Variants in ZSWIM5 observed in about 807,000 individuals in gnomAD.
ZSWIM5 encodes the protein zinc finger SWIM-type containing 5.
In ZSWIM5, 55 loss-of-function variants were observed where a neutral mutation model predicts 119.6. The observed-to-expected ratio is 0.46, with a 90% CI of 0.37 to 0.58. The LOEUF is 0.58. ZSWIM5 is among the 20% of genes least tolerant of loss of function. The pLI, the probability that ZSWIM5 is intolerant of heterozygous loss-of-function variation, is 0.00. For missense variants in ZSWIM5, 1,193 were observed against 1,512.8 expected (o/e 0.79, Z 3.51); for synonymous variants, 537 against 606.9 (o/e 0.88, Z 1.69).
At chr1:45,046,765 C>G (rs2148995739) in intron 5 of ZSWIM5, among the ~76,000 whole-genome samples, 1 of 151,826 alleles carries the variant, frequency 6.6e-6, no homozygotes, top group South Asian at 2.1e-4. Context: ...GTGGCTCATT[C>G]CTGTAATCCC....
In ZSWIM5 at chr1:45,019,357, C is replaced by CCTGATT; in HGVS notation, c.2696-47_2696-42dup. 6.3e-7 allele frequency: 1 copy of CCTGATT among 1,580,318 alleles called. No individual in the cohort carries two copies. The highest frequency in any genetic ancestry group is 8.6e-7 in the Non-Finnish European group (1 of 1,167,120). On this transcript the variant is annotated intron_variant, in intron 13 of 13. Transcript: ENST00000359600. The surrounding 1 kb of genome is among the most constrained non-coding windows in gnomAD (Gnocchi z 5.0). ...TGAGCTCAGCCGTGGCCATCTGGGT[C>CCTGATT]CTGATTCAGGTCTACCCAGATTACC...
chr1:45,035,695 C>T lies in ZSWIM5; in HGVS notation c.2284G>A (p.Ala762Thr). Residue 762 changes from alanine (A) to threonine (T), a missense_variant, in exon 10 of 14, where the codon GCC becomes ACC. Around this residue, in one of 2 missense-constraint regions of ZSWIM5, gnomAD observed 961 missense variants for 1,290.0 expected, o/e 0.74. Transcript: ENST00000359600. ...PDLSYKLALRAMRLPVLENSA... is the reference protein window; with the variant it reads ...PDLSYKLALRTMRLPVLENSA... ...TGGGAAAGGGCTACCCACCTCATGG[C>T]ACGTAAGGCTAATTTATAGGACAGG... is the stretch of plus-strand genomic sequence containing the variant. 1 of 1,613,268 alleles carries T rather than the reference C, an allele frequency of 6.2e-7. No individual in the cohort carries two copies. The highest frequency in any genetic ancestry group is 8.5e-7 in the Non-Finnish European group (1 of 1,179,920).
chr1:45,092,629 G>T (rs1401090933), intron 1 of ZSWIM5, among the ~76,000 whole-genome samples: 1 of 131,784 alleles, frequency 7.6e-6, no homozygotes, highest in Non-Finnish European at 1.5e-5. Flanking sequence ...GTGTTAATTT[G>T]ACTAGGCTAT....
chr1:45,198,576 C>A (rs1376762103), intron 1 of ZSWIM5, among the ~76,000 whole-genome samples: 4 of 152,060 alleles, frequency 2.6e-5, no homozygotes, highest in Admixed American at 2.6e-4. Context: ...TTCTCCACCA[C>A]AACAATGTTC....
chr1:45,184,973 G>A (rs1162915802), intron 1 of ZSWIM5, among the ~76,000 whole-genome samples: 5 of 152,134 alleles, frequency 3.3e-5, no homozygotes, highest in African/African-American at 1.2e-4. Context: ...CAAAGCTGGA[G>A]GCATCATGCT....
chr1:45,085,934 A>T (rs1645326710), intron 2 of ZSWIM5, among the ~76,000 whole-genome samples: 1 of 152,206 alleles, frequency 6.6e-6, no homozygotes, highest in Admixed American at 6.5e-5. Flanking sequence ...TCTTTATGGC[A>T]ATGCCTGACT....
At chr1:45,160,182 T>A (rs1214327967) in intron 1 of ZSWIM5, among the ~76,000 whole-genome samples, 1 of 152,174 alleles carries the variant, frequency 6.6e-6, no homozygotes, top group African/African-American at 2.4e-5. Flanking sequence ...ATCCAAAATA[T>A]TTTACATATT....
intron 1 of ZSWIM5, among the ~76,000 whole-genome samples, chr1:45,183,761 C>T (rs1015610387): frequency 7.2e-5 from 11 of 152,162 alleles, no homozygotes; most frequent in African/African-American, 2.7e-4. Flanking sequence ...TAATCAATAG[C>T]TTACCAACCA....
chr1:45,104,694 A>G (rs974717114), intron 1 of ZSWIM5, among the ~76,000 whole-genome samples: 1 of 152,156 alleles, frequency 6.6e-6, no homozygotes, highest in Non-Finnish European at 1.5e-5. Context: ...TATAGAGGTC[A>G]CCCTAAGCTT....
intron 1 of ZSWIM5, among the ~76,000 whole-genome samples, chr1:45,136,928 A>T (rs1645693882): frequency 6.6e-6 from 1 of 152,054 alleles, no homozygotes; most frequent in African/African-American, 2.4e-5. Flanking sequence ...TGAAAGCCCT[A>T]TTCAGTTTCT....
At chr1:45,126,176 G>C (rs1645620591) in intron 1 of ZSWIM5, among the ~76,000 whole-genome samples, 1 of 147,938 alleles carries the variant, frequency 6.8e-6, no homozygotes, top group Non-Finnish European at 1.5e-5. Context: ...CAAGCAGAAA[G>C]GAGGAAGTAA....
chr1:45,085,607 C>T (rs1645322699), intron 2 of ZSWIM5, among the ~76,000 whole-genome samples: 1 of 148,924 alleles, frequency 6.7e-6, no homozygotes, highest in South Asian at 2.1e-4. Flanking sequence ...AACACTGCTG[C>T]ACAGAAATTT....
At chr1:45,059,239 A>C (rs1167919313) in intron 3 of ZSWIM5, among the ~76,000 whole-genome samples, 1 of 152,236 alleles carries the variant, frequency 6.6e-6, no homozygotes, top group East Asian at 1.9e-4. Flanking sequence ...AACAACTCAA[A>C]TGTTCACTAA....
intron 1 of ZSWIM5, among the ~76,000 whole-genome samples, chr1:45,184,044 T>A (rs1292187992): frequency 2.0e-5 from 3 of 151,914 alleles, no homozygotes; most frequent in African/African-American, 7.2e-5. Flanking sequence ...AAAAAGCTTA[T>A]CCACCATGAT....
chr1:45,065,694 G>A (rs191318079), intron 2 of ZSWIM5, among the ~76,000 whole-genome samples: 14 of 152,222 alleles, frequency 9.2e-5, no homozygotes, highest in Admixed American at 1.3e-4. Flanking sequence ...AGGAGAAACT[G>A]AGCTGCTAAA....
In ZSWIM5 at chr1:45,088,379, C is replaced by T; in HGVS notation, c.596-142G>A. The stretch of plus-strand genomic sequence containing the variant: ...TACATGATAGGCTTTGCCACAGACA[C>T]AGAGGTCAATGAAATTCAGTTACTG... On this transcript the variant is annotated intron_variant, in intron 1 of 13. Coordinates refer to ENST00000359600, the MANE Select transcript of ZSWIM5 (RefSeq NM_020883.2). The surrounding 1 kb of genome is among the most constrained non-coding windows in gnomAD (Gnocchi z 4.2). 1 of 621,654 alleles carries T rather than the reference C, an allele frequency of 1.6e-6. No individual in the cohort carries two copies. The highest frequency in any genetic ancestry group is 2.3e-5 in the South Asian group (1 of 43,722). The allele number at this position is 621,654 out of a possible 1,614,324, so 38.5% of individuals were successfully genotyped here. A position where few individuals can be genotyped will look rare whatever the true frequency, so the allele number is the denominator to read the frequency against.
intron 1 of ZSWIM5, among the ~76,000 whole-genome samples, chr1:45,196,227 T>C (rs999822404): frequency 6.6e-6 from 1 of 151,456 alleles, no homozygotes; most frequent in Non-Finnish European, 1.5e-5. Flanking sequence ...CATATAAAAT[T>C]ACCTGGGAGC....
rs78593921 is a variant in ZSWIM5, at chr1:45,150,817, G to A, written c.595+54939C>T. On this transcript the variant is annotated intron_variant, in intron 1 of 13. Coordinates refer to ENST00000359600, the MANE Select transcript of ZSWIM5 (RefSeq NM_020883.2). ...TCCCACAAGATCTTGCCCATGATCA[G>A]TACTTAATAAATCTATCAACAATAA... Among the ~76,000 whole-genome samples the A allele has an allele frequency of 2.2e-3, 330 of 152,270 alleles. 1 individual carries two copies. The highest frequency in any genetic ancestry group is 7.5e-3 in the African/African-American group (312 of 41,552).
chr1:45,044,331 T>C (rs1645034316), intron 5 of ZSWIM5, among the ~76,000 whole-genome samples: 1 of 152,064 alleles, frequency 6.6e-6, no homozygotes, highest in Non-Finnish European at 1.5e-5. Flanking sequence ...CTCGCACCTG[T>C]TATCCCAGCA....
Sources: allele counts gnomAD v4.1 joint callset (sites outside exome capture counted in the v4.1 genomes callset), GRCh38; gene constraint gnomAD v4.1.1; regional missense constraint gnomAD v4.1.1; non-coding constraint Gnocchi (gnomAD v3.1); transcripts MANE v1.5; gene names NCBI Gene and HGNC (gene_info 2026-07-23, HGNC 2026-07-21).